The following ZBTB7C variants were observed in gnomAD, a reference collection of about 807,000 sequenced individuals.
ZBTB7C encodes the protein zinc finger and BTB domain-containing protein 7C.
A neutral mutation model predicts 25.7 loss-of-function variants in ZBTB7C; 8 were observed. That is an observed-to-expected ratio of 0.31 (90% confidence interval 0.18 to 0.56). The LOEUF (loss-of-function observed/expected upper bound fraction) is 0.56, where lower values mean the gene tolerates loss of function less well. ZBTB7C is among the 20% of genes least tolerant of loss of function. The probability of loss-of-function intolerance (pLI) is 0.91; values close to 1 mark genes in which losing one functional copy is unlikely to be tolerated. For missense variants in ZBTB7C, 824 were observed against 855.2 expected, an observed-to-expected ratio of 0.96 and a Z score of 0.46; for synonymous variants, 394 against 369.0, an observed-to-expected ratio of 1.07 and a Z score of -0.78.
chr18:48,248,318 T>C (rs1167214966), intron 2 of ZBTB7C, among the ~76,000 whole-genome samples: 1 of 152,180 alleles, frequency 6.6e-6, no homozygotes, highest in Non-Finnish European at 1.5e-5. Context: ...AATTACCCAG[T>C]CTCAGACAGT....
chr18:48,100,588 T>G (rs12458144), intron 3 of ZBTB7C, among the ~76,000 whole-genome samples: 21,171 of 152,242 alleles, frequency 0.14, 3,139 homozygotes, highest in African/African-American at 0.36. Flanking sequence ...ATTTATGATT[T>G]TTTTAGCCTT....
intron 2 of ZBTB7C, among the ~76,000 whole-genome samples, chr18:48,282,373 A>G (rs2044887348): frequency 6.6e-6 from 1 of 151,214 alleles, no homozygotes; most frequent in Non-Finnish European, 1.5e-5. Context: ...ATGACGAGTT[A>G]ATGGGTGCAG....
At chr18:48,274,411 G>A (rs1461692024) in intron 2 of ZBTB7C, among the ~76,000 whole-genome samples, 2 of 152,130 alleles carry the variant, frequency 1.3e-5, no homozygotes, top group East Asian at 3.9e-4. Context: ...AAAGCACTAT[G>A]TCCACCCTAA....
At chr18:48,278,921 T>C (rs2044748532) in intron 2 of ZBTB7C, among the ~76,000 whole-genome samples, 1 of 151,978 alleles carries the variant, frequency 6.6e-6, no homozygotes. Flanking sequence ...TTCTGGATTT[T>C]TCTGTGTTGT....
chr18:48,301,843 T>C (rs2045552311), intron 2 of ZBTB7C, among the ~76,000 whole-genome samples: 2 of 152,232 alleles, frequency 1.3e-5, no homozygotes, highest in Non-Finnish European at 1.5e-5. Context: ...GTTCTCACCA[T>C]AGCTCCCCAG....
At chr18:48,138,945 G>A (rs2040256590) in intron 3 of ZBTB7C, among the ~76,000 whole-genome samples, 1 of 152,318 alleles carries the variant, frequency 6.6e-6, no homozygotes, top group African/African-American at 2.4e-5. Context: ...TGGGTGCAGT[G>A]GGGTGCCAAC....
intron 2 of ZBTB7C, among the ~76,000 whole-genome samples, chr18:48,288,520 G>T (rs1250273319): frequency 6.6e-6 from 1 of 151,994 alleles, no homozygotes; most frequent in Non-Finnish European, 1.5e-5. Flanking sequence ...GCTGGGCATG[G>T]TTGTGGACAC....
At chr18:48,278,178 G>T (rs944463811) in intron 2 of ZBTB7C, among the ~76,000 whole-genome samples, 4 of 152,210 alleles carry the variant, frequency 2.6e-5, no homozygotes, top group African/African-American at 9.7e-5. Context: ...CTTCCACTTT[G>T]CAGAGGCAGG....
chr18:48,268,288 G>A (rs1442098158), intron 2 of ZBTB7C, among the ~76,000 whole-genome samples: 3 of 152,180 alleles, frequency 2.0e-5, no homozygotes, highest in Admixed American at 2.0e-4. Context: ...AATTTTGCAT[G>A]AGACACTTGT....
At chr18:48,342,467 G>A (rs2046626448) in intron 1 of ZBTB7C, among the ~76,000 whole-genome samples, 1 of 152,184 alleles carries the variant, frequency 6.6e-6, no homozygotes, top group South Asian at 2.1e-4. Flanking sequence ...AGCTGAGACG[G>A]CCATCGTCCC....
At chr18:48,088,061 T>C (rs2038263411) in intron 3 of ZBTB7C, among the ~76,000 whole-genome samples, 1 of 152,156 alleles carries the variant, frequency 6.6e-6, no homozygotes, top group Admixed American at 6.5e-5. Flanking sequence ...TTATCCTCCA[T>C]ATCCACCTTC....
chr18:48,313,844 C>G (rs1334753153), intron 2 of ZBTB7C, among the ~76,000 whole-genome samples: 2 of 152,128 alleles, frequency 1.3e-5, no homozygotes, highest in African/African-American at 4.8e-5. Flanking sequence ...GGAGGTAGGG[C>G]CCGGTGGGAG....
At chr18:48,125,625 C>T (rs1372245218) in intron 3 of ZBTB7C, among the ~76,000 whole-genome samples, 2 of 152,216 alleles carry the variant, frequency 1.3e-5, no homozygotes, top group African/African-American at 4.8e-5. Context: ...CAGTGAAGCA[C>T]TGTGGAGTTG....
chr18:48,084,861 G>A (rs1324753449), intron 3 of ZBTB7C, among the ~76,000 whole-genome samples: 1 of 152,188 alleles, frequency 6.6e-6, no homozygotes, highest in Admixed American at 6.5e-5. Flanking sequence ...GAGGGACTCT[G>A]TCACCCGAAC....
At chr18:48,207,143 G>A (rs1409868717) in intron 2 of ZBTB7C, among the ~76,000 whole-genome samples, 1 of 152,236 alleles carries the variant, frequency 6.6e-6, no homozygotes, top group Non-Finnish European at 1.5e-5. Flanking sequence ...GAAGCAACCA[G>A]AATGGCTGAA....
At chr18:48,301,477 T>C (rs2045542878) in intron 2 of ZBTB7C, among the ~76,000 whole-genome samples, 1 of 151,966 alleles carries the variant, frequency 6.6e-6, no homozygotes, top group Non-Finnish European at 1.5e-5. Flanking sequence ...AGACTCCATC[T>C]CAAAATAAAT....
chr18:48,377,485 G>T (rs1169605731), intron 1 of ZBTB7C, among the ~76,000 whole-genome samples: 1 of 152,246 alleles, frequency 6.6e-6, no homozygotes, highest in Non-Finnish European at 1.5e-5. Context: ...GAGAAAACAT[G>T]TCTGGACAGA....
At chr18:48,230,755 G>C (rs1225851756) in intron 2 of ZBTB7C, among the ~76,000 whole-genome samples, 1 of 152,092 alleles carries the variant, frequency 6.6e-6, no homozygotes, top group African/African-American at 2.4e-5. Flanking sequence ...CATAGAGGAA[G>C]AGTTAACAAA....
At chr18:48,124,830 G>C (rs1192203899) in intron 3 of ZBTB7C, among the ~76,000 whole-genome samples, 2 of 152,192 alleles carry the variant, frequency 1.3e-5, no homozygotes. Context: ...AACACTGGTT[G>C]GGAGAAAGCC....
Sources: allele counts gnomAD v4.1 joint callset (sites outside exome capture counted in the v4.1 genomes callset), GRCh38; gene constraint gnomAD v4.1.1; transcripts MANE v1.5; gene names NCBI Gene and HGNC (gene_info 2026-07-23, HGNC 2026-07-21).